ABCA1: variants seen among roughly 807,000 people sequenced by gnomAD.
The protein encoded by ABCA1 is phospholipid-transporting ATPase ABCA1.
A neutral mutation model predicts 262.5 loss-of-function variants in ABCA1; 133 were observed. The ratio of observed to expected loss-of-function variants is 0.51; its 90% CI spans 0.44 to 0.59. ABCA1 has a LOEUF of 0.59. ABCA1 is among the 20% of genes least tolerant of loss of function. The pLI is 0.00. For missense variants in ABCA1, 2,452 were observed against 2,777.5 expected (o/e 0.88, Z 2.63); for synonymous variants, 1,022 against 1,043.5 (o/e 0.98, Z 0.40).
intron 7 of ABCA1, among the ~76,000 whole-genome samples, chr9:104,856,450 A>T (rs1835850039): frequency 6.6e-6 from 1 of 152,176 alleles, no homozygotes; most frequent in Non-Finnish European, 1.5e-5. Context: ...CGCATCCACA[A>T]GGCACAACCA....
At chr9:104,850,324 G>C (rs1835265876) in intron 7 of ABCA1, among the ~76,000 whole-genome samples, 1 of 152,190 alleles carries the variant, frequency 6.6e-6, no homozygotes, top group East Asian at 1.9e-4. Flanking sequence ...GTTTCACCAT[G>C]TTGGCCAAGC....
At chr9:104,840,031 C>T (rs1834223026) in intron 9 of ABCA1, among the ~76,000 whole-genome samples, 1 of 152,248 alleles carries the variant, frequency 6.6e-6, no homozygotes, top group South Asian at 2.1e-4. Flanking sequence ...AGAAGGTTGG[C>T]TGTCAATCAT....
chr9:104,802,422 G>A (rs2118899606), intron 33 of ABCA1, among the ~76,000 whole-genome samples: 1 of 152,356 alleles, frequency 6.6e-6, no homozygotes, highest in South Asian at 2.1e-4. Context: ...AAAGAATGGT[G>A]TTTCATCTCA....
intron 11 of ABCA1, among the ~76,000 whole-genome samples, chr9:104,835,082 C>T (rs987705395): frequency 5.9e-5 from 9 of 151,898 alleles, no homozygotes; most frequent in Non-Finnish European, 5.9e-5. Context: ...ATCCCATCTC[C>T]ACTGAAAATA....
chr9:104,816,020 T>C lies in ABCA1; in HGVS notation c.3738+123A>G, dbSNP rs41513148. On this transcript the variant is annotated intron_variant, in intron 25 of 49. Transcript: ENST00000374736. ...CTCACTGGGGCCAACATTAATCAGA[T>C]GTCGATGACCTAAAAACTCAATGAC... The C allele has an allele frequency of 5.7e-3, 6,031 of 1,066,928 alleles. 246 individuals carry two copies. The African/African-American group carries it at 0.083, about 15-fold the overall frequency. 66.1% of individuals were successfully genotyped at this position (1,066,928 alleles called of 1,614,324 possible).
intron 1 of ABCA1, among the ~76,000 whole-genome samples, chr9:104,909,654 ATT>A (rs1841384646): frequency 1.2e-4 from 17 of 146,470 alleles, no homozygotes; most frequent in South Asian, 8.9e-4. Flanking sequence ...ACACACACAC[ATT>A]CACAGGAAGC....
chr9:104,817,250 G>C lies in ABCA1; in HGVS notation c.3535+82C>G. The C allele has an allele frequency of 1.9e-6, 3 of 1,611,114 alleles. No homozygotes were observed. The highest frequency in any genetic ancestry group is 2.5e-6 in the Non-Finnish European group (3 of 1,179,038). On this transcript the variant is annotated intron_variant, in intron 24 of 49. Transcript: ENST00000374736. This position sits in a 1 kb window ranked among gnomAD's most constrained non-coding sequence, Gnocchi z 4.7. The stretch of plus-strand genomic sequence containing the variant: ...CCTTGAGTCAGCGCCACCAGCCTCT[G>C]CACCTCTCCTCCTCTGCCTCCACTC...
chr9:104,862,637 G>C (rs1333133594), intron 5 of ABCA1, among the ~76,000 whole-genome samples: 135 of 1,650 alleles, frequency 0.082, 1 homozygote, highest in Non-Finnish European at 0.16. Context: ...AGACTGCCGG[G>C]CCGGGCCGGG....
chr9:104,853,025 T>C (rs1835514643), intron 7 of ABCA1, among the ~76,000 whole-genome samples: 1 of 152,206 alleles, frequency 6.6e-6, no homozygotes, highest in African/African-American at 2.4e-5. Context: ...ATGACTTTGT[T>C]CACTCCTTAT....
At chr9:104,876,505 A>C (rs1032337594) in intron 5 of ABCA1, among the ~76,000 whole-genome samples, 1 of 152,214 alleles carries the variant, frequency 6.6e-6, no homozygotes, top group Admixed American at 6.5e-5. Context: ...AGATTTCAGA[A>C]TATGGGAGAG....
intron 5 of ABCA1, among the ~76,000 whole-genome samples, chr9:104,862,641 G>GCCCCCCACCCC (rs1564197815): frequency 5.0e-4 from 1 of 2,018 alleles, no homozygotes; most frequent in Non-Finnish European, 1.2e-3. Context: ...TGCCGGGCCG[G>GCCCCCCACCCC]GCCGGGCCGG....
chr9:104,807,138 G>A (rs567624726), intron 30 of ABCA1, among the ~76,000 whole-genome samples: 4 of 152,294 alleles, frequency 2.6e-5, no homozygotes, highest in Admixed American at 6.5e-5. Flanking sequence ...GAGGAGAGGA[G>A]CCAGATGAGA....
rs773772455 is a variant in ABCA1 at position 104,827,136 on chromosome 9, C to T, written c.2149G>A (p.Val717Met). The T allele has an allele frequency of 2.0e-5, 33 of 1,614,056 alleles. No homozygotes were observed. The highest frequency in any genetic ancestry group is 1.6e-4 in the Middle Eastern group (1 of 6,084). ...GNLLPYSDPS[V>M]VFVFLSVFAV... ...AACACGGACAGGAAGACAAACACCA[C>T]GCTGGGATCACTGTAGGGCAGCAGG... Residue 717 changes from valine to methionine, a missense_variant, in exon 16 of 50, where the codon GTG (valine) becomes ATG (methionine). Val to Met is a conservative substitution (Grantham distance 21). Coordinates refer to ENST00000374736, the MANE Select transcript of ABCA1 (RefSeq NM_005502.4).
At chr9:104,795,913 G>A in intron 39 of ABCA1, 140 bp downstream of exon 39, 2 of 1,235,430 alleles carry the variant, frequency 1.6e-6, no homozygotes, top group Non-Finnish European at 2.4e-6. Flanking sequence ...CCTTCTCAGG[G>A]AAGACAGACT....
intron 7 of ABCA1, among the ~76,000 whole-genome samples, chr9:104,857,668 T>C (rs1391620529): frequency 6.6e-6 from 1 of 152,180 alleles, no homozygotes; most frequent in Non-Finnish European, 1.5e-5. Flanking sequence ...CAACTCTCTA[T>C]AAAGAATTCG....
At chr9:104,853,155 G>A (rs1360701918) in intron 7 of ABCA1, among the ~76,000 whole-genome samples, 1 of 152,218 alleles carries the variant, frequency 6.6e-6, no homozygotes, top group Non-Finnish European at 1.5e-5. Context: ...TGGTGGGAAT[G>A]TGCTAGGCAC....
chr9:104,839,188 T>G (rs1006969166), intron 9 of ABCA1, among the ~76,000 whole-genome samples: 15 of 152,272 alleles, frequency 9.9e-5, no homozygotes, highest in South Asian at 6.2e-4. Flanking sequence ...CAAAAGTGCT[T>G]AAGTGTGGGG....
intron 2 of ABCA1, among the ~76,000 whole-genome samples, chr9:104,894,744 A>C (rs1191311431): frequency 1.3e-5 from 2 of 152,186 alleles, no homozygotes; most frequent in Admixed American, 6.5e-5. Flanking sequence ...TGCTCTCTCA[A>C]AGCCCTTGCT....
intron 39 of ABCA1, among the ~76,000 whole-genome samples, chr9:104,795,696 A>T (rs1050386810): frequency 6.6e-6 from 1 of 152,214 alleles, no homozygotes; most frequent in African/African-American, 2.4e-5. Flanking sequence ...GATCTTAGAG[A>T]TGACAATAAA....
Sources: gnomAD v4.1 joint callset for allele counts (sites outside exome capture counted in the v4.1 genomes callset) on GRCh38, gnomAD v4.1.1 for gene constraint, Gnocchi (gnomAD v3.1) non-coding constraint, MANE v1.5 for transcripts, NCBI Gene and HGNC (gene_info 2026-07-23, HGNC 2026-07-21) for gene names.